GOLIM4: variants seen among roughly 807,000 people sequenced by gnomAD.
The protein encoded by GOLIM4 is 130 kDa golgi-localized phosphoprotein.
A neutral mutation model predicts 107.4 loss-of-function variants in GOLIM4; 71 were observed. The ratio of observed to expected loss-of-function variants is 0.66; its 90% CI spans 0.55 to 0.81. The LOEUF is 0.81. Ranked by LOEUF, GOLIM4 falls within the 30% of genes least tolerant of loss-of-function variation. The pLI is 0.00. For missense variants in GOLIM4, 830 were observed against 826.1 expected, an observed-to-expected ratio of 1.00 and a Z score of -0.06; for synonymous variants, 327 against 294.8, an observed-to-expected ratio of 1.11 and a Z score of -1.12.
At chr3:168,024,479 G>T in intron 14 of GOLIM4, 47 bp downstream of exon 14, 1 of 1,243,022 alleles carries the variant, frequency 8.0e-7, no homozygotes, top group Non-Finnish European at 1.2e-6. Context: ...AGGTTAGTGT[G>T]TGTGACAGAC....
intron 1 of GOLIM4, among the ~76,000 whole-genome samples, chr3:168,063,824 G>A (rs765014066): frequency 2.6e-5 from 4 of 151,900 alleles, no homozygotes; most frequent in African/African-American, 4.8e-5. Flanking sequence ...CATGGCACAC[G>A]TTTACCCATG....
intron 12 of GOLIM4, 146 bp downstream of exon 12, chr3:168,027,582 A>G: frequency 1.6e-6 from 1 of 636,446 alleles, no homozygotes; most frequent in Non-Finnish European, 2.8e-6. Context: ...AACACTGCCC[A>G]TATATAATTA....
chr3:168,026,388 G>T (rs1224687601), intron 12 of GOLIM4, among the ~76,000 whole-genome samples: 4 of 152,110 alleles, frequency 2.6e-5, no homozygotes, highest in Admixed American at 1.3e-4. Flanking sequence ...GCTCAACTCC[G>T]ACCACGTAAC....
chr3:168,093,286 G>A (rs1395069653), intron 1 of GOLIM4, among the ~76,000 whole-genome samples: 1 of 152,208 alleles, frequency 6.6e-6, no homozygotes, highest in East Asian at 1.9e-4. Flanking sequence ...CAAAGACACA[G>A]AAGCAAAGTC....
intron 1 of GOLIM4, among the ~76,000 whole-genome samples, chr3:168,061,532 T>C (rs2108268157): frequency 6.6e-6 from 1 of 152,170 alleles, no homozygotes; most frequent in East Asian, 1.9e-4. Context: ...AATTGCAGCA[T>C]TACTCATAAC....
intron 14 of GOLIM4, among the ~76,000 whole-genome samples, chr3:168,023,964 G>C (rs1717851680): frequency 6.6e-6 from 1 of 152,142 alleles, no homozygotes. Context: ...CTATCCAAAT[G>C]CATTTTATTC....
intron 14 of GOLIM4, among the ~76,000 whole-genome samples, chr3:168,022,060 T>C (rs1232252578): frequency 6.6e-6 from 1 of 152,188 alleles, no homozygotes; most frequent in Non-Finnish European, 1.5e-5. Context: ...CTTAGAAAGA[T>C]AACACTACTG....
intron 1 of GOLIM4, among the ~76,000 whole-genome samples, chr3:168,088,691 T>C (rs138815012): frequency 6.6e-6 from 1 of 152,220 alleles, no homozygotes; most frequent in Non-Finnish European, 1.5e-5. Flanking sequence ...AGGTGATATG[T>C]GTCCCCTTTT....
intron 3 of GOLIM4, 84 bp from the exon 4 acceptor site, chr3:168,044,965 CTT>C: frequency 1.4e-6 from 1 of 737,144 alleles, no homozygotes; most frequent in East Asian, 2.8e-5. Flanking sequence ...TAAAATATAA[CTT>C]TATTTATTTC....
rs57702503 is a variant in GOLIM4, at chr3:168,044,890, CAA to C, written c.313-11_313-10del. 2,275 of 1,253,470 alleles carry C rather than the reference CAA, an allele frequency of 1.8e-3. No homozygotes were observed. Among genetic ancestry groups the C allele is most frequent in the Admixed American group, 3.7e-3 (146 of 39,776 alleles). 77.6% of individuals were successfully genotyped at this position (1,253,470 alleles called of 1,614,324 possible). ...CTGCTATTGGAATCTTGCTGTAAATCAAAAAAAAAAAAGAAAACACAAAGATA... is the reference window on the plus strand; with the variant it reads ...CTGCTATTGGAATCTTGCTGTAAATCAAAAAAAAAAGAAAACACAAAGATA... On this transcript the variant is annotated splice_polypyrimidine_tract_variant and intron_variant, in intron 3 of 15. Transcript: ENST00000470487.
intron 8 of GOLIM4, among the ~76,000 whole-genome samples, chr3:168,033,538 C>T (rs1294996907): frequency 4.1e-5 from 5 of 123,068 alleles, no homozygotes; most frequent in Admixed American, 1.1e-4. Flanking sequence ...ACCCGGGAGG[C>T]GGAGCTTGCA....
Position 168,048,326 on chromosome 3 carries a change from T to G in GOLIM4, c.227A>C (p.Gln76Pro), listed in dbSNP as rs189296415. 2.6e-6 allele frequency: 4 copies of G among 1,540,594 alleles called. No individual in the cohort carries two copies. The Admixed American group carries it at 5.3e-5, about 20-fold the overall frequency. ...EHRSRLEKSL[Q>P]KERLEHKKAK... ...TTTTTTATGTTCAAGTCTTTCTTTT[T>G]GCAAGGATTTCTCTAATCTTGATCT... The change falls in exon 2 of 16, where the codon CAA (glutamine) becomes CCA (proline). Residue 76 changes from glutamine (Q) to proline (P), a missense_variant. Physicochemically the swap from Gln to Pro is moderately conservative, Grantham distance 76. Transcript: ENST00000470487.
At chr3:168,020,578 T>G (rs1420681476) in intron 14 of GOLIM4, among the ~76,000 whole-genome samples, 1 of 152,380 alleles carries the variant, frequency 6.6e-6, no homozygotes, top group East Asian at 1.9e-4. Context: ...TAATGGATGC[T>G]AGGTTATCTC....
At chr3:168,048,207 C>CA (rs530884971) in intron 2 of GOLIM4, 84 bp downstream of exon 2, 380 of 724,344 alleles carry the variant, frequency 5.2e-4, no homozygotes, top group Middle Eastern at 7.0e-4. Flanking sequence ...CGATCTTAGC[C>CA]AAAAAAAAAT....
Position 168,024,574 on chromosome 3 carries a change from C to T in GOLIM4, c.1812G>A (p.Gln604=). 1.1e-5 allele frequency: 18 copies of T among 1,613,358 alleles called. No individual in the cohort carries two copies. Among genetic ancestry groups the T allele is most frequent in the East Asian group, 2.2e-5 (1 of 44,884 alleles). The change falls in exon 14 of 16, where the codon CAG becomes CAA. Residue 604 remains glutamine (Q), a synonymous_variant. Transcript: ENST00000470487. ...EHLVMAGNPD[Q]QEDNVDEQYQ... Reference sequence around the variant, plus strand: ...ACTGTTCATCAACATTGTCCTCCTGCTGGTCTGGATTTCCTGCCATCTGTT... The same window carrying T: ...ACTGTTCATCAACATTGTCCTCCTGTTGGTCTGGATTTCCTGCCATCTGTT...
rs1353275899 is a variant in GOLIM4, at chr3:168,027,799, C to G, written c.1552G>C (p.Gly518Arg). Residue 518 changes from glycine (G) to arginine (R), a missense_variant, in exon 12 of 16, where the codon GGA becomes CGA. Physicochemically the swap from Gly to Arg is moderately radical, Grantham distance 125. Transcript: ENST00000470487. The stretch of plus-strand genomic sequence containing the variant: ...GGCTCATGTCTATTACCTGGATCTC[C>G]TTCTGCTTCATCTTGGTGCTGGTTG... ...RDNQHQDEAE[G>R]DPGNRHEPRE... The G allele has an allele frequency of 1.2e-6, 2 of 1,613,376 alleles. No individual in the cohort carries two copies. Among genetic ancestry groups the G allele is most frequent in the African/African-American group, 1.3e-5 (1 of 74,870 alleles).
At chr3:168,019,833 C>A (rs1252629580) in intron 14 of GOLIM4, among the ~76,000 whole-genome samples, 1 of 152,108 alleles carries the variant, frequency 6.6e-6, no homozygotes, top group African/African-American at 2.4e-5. Context: ...TAAGGTTGGC[C>A]AGTGAGCTCA....
intron 1 of GOLIM4, among the ~76,000 whole-genome samples, chr3:168,091,508 C>T (rs1721914022): frequency 6.6e-6 from 1 of 152,210 alleles, no homozygotes; most frequent in African/African-American, 2.4e-5. Context: ...TTAAAGTACA[C>T]TGGATGTTTG....
chr3:168,064,639 G>A (rs989127911), intron 1 of GOLIM4, among the ~76,000 whole-genome samples: 5 of 147,752 alleles, frequency 3.4e-5, no homozygotes, highest in African/African-American at 7.5e-5. Context: ...GTCTCGCTAC[G>A]TTGCCCAGGC....
Sources: gnomAD v4.1 joint callset for allele counts (sites outside exome capture counted in the v4.1 genomes callset) on GRCh38, gnomAD v4.1.1 for gene constraint, MANE v1.5 for transcripts, NCBI Gene and HGNC (gene_info 2026-07-23, HGNC 2026-07-21) for gene names.